Variants in VWA3B observed in about 807,000 individuals in gnomAD.
The protein encoded by VWA3B is von Willebrand factor A domain containing 3B.
A neutral mutation model predicts 158.3 loss-of-function variants in VWA3B; 138 were observed. The ratio of observed to expected loss-of-function variants is 0.87; its 90% CI spans 0.76 to 1.00. The LOEUF is 1.00. Ranked by LOEUF, VWA3B falls within the 50% of genes least tolerant of loss-of-function variation. The pLI is 0.00. For missense variants in VWA3B, 1,555 were observed against 1,565.1 expected, an observed-to-expected ratio of 0.99 and a Z score of 0.11; for synonymous variants, 596 against 587.3, an observed-to-expected ratio of 1.01 and a Z score of -0.21.
the VWA3B span, among the ~76,000 whole-genome samples, chr2:98,330,298 G>A: frequency 6.6e-6 from 1 of 152,176 alleles, no homozygotes; most frequent in Non-Finnish European, 1.5e-5. Context: ...GGATTTACTT[G>A]GAGGATGGTG....
intron 8 of VWA3B, among the ~76,000 whole-genome samples, chr2:98,173,131 ATGTTTATCTTTTCAAGAG>A (rs1402158414): frequency 1.3e-5 from 2 of 152,352 alleles, no homozygotes; most frequent in African/African-American, 4.8e-5. Context: ...GTACTTGTAC[ATGTTTATCTTTTCAAGAG>A]TGTCTTCCCT....
At chr2:98,129,299 G>A (rs983117646) in intron 6 of VWA3B, among the ~76,000 whole-genome samples, 5 of 150,666 alleles carry the variant, frequency 3.3e-5, no homozygotes, top group Non-Finnish European at 7.4e-5. Context: ...AGGAGAGAGA[G>A]AGGAGAGAGA....
chr2:98,327,102 C>T, the VWA3B span, among the ~76,000 whole-genome samples: 3 of 151,982 alleles, frequency 2.0e-5, no homozygotes, highest in African/African-American at 7.3e-5. Flanking sequence ...TGAGACCAGC[C>T]TGGGCAACAT....
chr2:98,115,500 C>T (rs1026168165), intron 2 of VWA3B, 152 bp from the exon 3 acceptor site: 4 of 621,272 alleles, frequency 6.4e-6, no homozygotes, highest in African/African-American at 5.5e-5. Context: ...CCTAGAAATA[C>T]TTCATGATTT....
intron 21 of VWA3B, among the ~76,000 whole-genome samples, chr2:98,268,894 T>C (rs1335331033): frequency 6.6e-6 from 1 of 152,080 alleles, no homozygotes. Context: ...AAGAACACCT[T>C]CCTATATTAT....
intron 11 of VWA3B, among the ~76,000 whole-genome samples, chr2:98,193,465 C>G (rs1333468903): frequency 6.6e-6 from 1 of 152,202 alleles, no homozygotes; most frequent in Non-Finnish European, 1.5e-5. Context: ...TGAACTGAAG[C>G]AGGTTGCCCA....
intron 6 of VWA3B, among the ~76,000 whole-genome samples, chr2:98,129,206 GGAGAGA>G (rs150753050): frequency 3.9e-5 from 5 of 128,344 alleles, no homozygotes; most frequent in Non-Finnish European, 8.0e-5. Flanking sequence ...GAGAGAGAGA[GGAGAGA>G]GAGAGAGAGA....
chr2:98,220,773 T>C (rs1364361647), intron 14 of VWA3B, among the ~76,000 whole-genome samples: 1 of 152,148 alleles, frequency 6.6e-6, no homozygotes, highest in Non-Finnish European at 1.5e-5. Context: ...ATATACACCA[T>C]GGAATACTAT....
At chr2:98,237,820 G>T (rs1685802418) in intron 19 of VWA3B, among the ~76,000 whole-genome samples, 1 of 152,204 alleles carries the variant, frequency 6.6e-6, no homozygotes, top group African/African-American at 2.4e-5. Context: ...CAGAGGAAAT[G>T]ATACAATGCT....
At chr2:98,239,156 G>A (rs1010332631) in intron 19 of VWA3B, among the ~76,000 whole-genome samples, 17 of 152,064 alleles carry the variant, frequency 1.1e-4, no homozygotes, top group African/African-American at 2.2e-4. Flanking sequence ...TTACCCCAGC[G>A]AATTCATATA....
At chr2:98,180,175 C>G (rs1001690345) in intron 8 of VWA3B, among the ~76,000 whole-genome samples, 5 of 138,454 alleles carry the variant, frequency 3.6e-5, no homozygotes, top group African/African-American at 1.3e-4. Context: ...TTCTCTCTCT[C>G]TCTTTCTTTC....
chr2:98,129,109 G>T (rs1675613035), intron 6 of VWA3B, among the ~76,000 whole-genome samples: 1 of 152,160 alleles, frequency 6.6e-6, no homozygotes, highest in Non-Finnish European at 1.5e-5. Flanking sequence ...AGGTGAAGGA[G>T]AATTCGGTTT....
At chr2:98,302,065 G>T (rs1690232733) in intron 25 of VWA3B, among the ~76,000 whole-genome samples, 2 of 152,288 alleles carry the variant, frequency 1.3e-5, no homozygotes, top group Admixed American at 6.5e-5. Flanking sequence ...CCCTCAGGGA[G>T]TATGCCCCCA....
chr2:98,188,387 T>C (rs1378841689), intron 10 of VWA3B, among the ~76,000 whole-genome samples: 1 of 152,126 alleles, frequency 6.6e-6, no homozygotes, highest in Admixed American at 6.6e-5. Context: ...TTTTTAAAAA[T>C]ATACATAAAT....
chr2:98,103,490 A>G (rs78325938), intron 2 of VWA3B, among the ~76,000 whole-genome samples: 1,555 of 152,246 alleles, frequency 0.01, 40 homozygotes, highest in African/African-American at 0.036. Flanking sequence ...AGTGTTTAAT[A>G]TTATTGCTTT....
At chr2:98,298,388 T>G (rs1357019912) in intron 24 of VWA3B, among the ~76,000 whole-genome samples, 9 of 99,740 alleles carry the variant, frequency 9.0e-5, no homozygotes, top group African/African-American at 2.9e-4. Context: ...TATTCTATTC[T>G]ATTCTATTCT....
intron 25 of VWA3B, among the ~76,000 whole-genome samples, chr2:98,303,421 G>GGT (rs58157632): frequency 0.063 from 9,277 of 146,562 alleles, 339 homozygotes; most frequent in African/African-American, 0.087. Context: ...GTTATGTGAA[G>GGT]GTGTGTGTGT....
At chr2:98,311,005 ATCCGAAGC>A (rs1690854273) in intron 26 of VWA3B, among the ~76,000 whole-genome samples, 4 of 152,246 alleles carry the variant, frequency 2.6e-5, no homozygotes, top group Non-Finnish European at 5.9e-5. Flanking sequence ...TTCCAAAAGG[ATCCGAAGC>A]AGTAATAGTC....
intron 12 of VWA3B, among the ~76,000 whole-genome samples, chr2:98,209,571 C>G (rs146792322): frequency 6.6e-6 from 1 of 152,294 alleles, no homozygotes; most frequent in African/African-American, 2.4e-5. Context: ...TGAGCCACCG[C>G]GCCCAGGCAA....
Sources: gnomAD v4.1 joint callset for allele counts (sites outside exome capture counted in the v4.1 genomes callset) on GRCh38, gnomAD v4.1.1 for gene constraint, MANE v1.5 for transcripts, NCBI Gene and HGNC (gene_info 2026-07-23, HGNC 2026-07-21) for gene names.